The following SLC1A6 variants were observed in gnomAD, a reference collection of about 807,000 sequenced individuals.
SLC1A6 encodes the protein solute carrier family 1 member 6.
In SLC1A6, 15 loss-of-function variants were observed where a neutral mutation model predicts 42.1. The observed-to-expected ratio is 0.36, with a 90% CI of 0.24 to 0.55. The LOEUF (loss-of-function observed/expected upper bound fraction) is 0.55. Ranked by LOEUF, SLC1A6 falls within the 20% of genes least tolerant of loss-of-function variation. SLC1A6 has a pLI of 0.88. For missense variants in SLC1A6, 542 were observed against 772.5 expected, an observed-to-expected ratio of 0.70 and a Z score of 3.54; for synonymous variants, 317 against 319.7, an observed-to-expected ratio of 0.99 and a Z score of 0.09.
chr19:14,972,873 C>G lies in SLC1A6; in HGVS notation c.38G>C (p.Ser13Thr). 1 of 1,602,628 alleles carries G rather than the reference C, an allele frequency of 6.2e-7. No individual in the cohort carries two copies. Among genetic ancestry groups the G allele is most frequent in the Non-Finnish European group, 8.5e-7 (1 of 1,175,284 alleles). ...SHGNSLFLRE[S>T]GQRLGRVGWL... is the part of the protein sequence containing the mutation. ...GCCCACCCGGCCCAGCCGCTGGCCG[C>G]TCTCCCGCAGGAACAGGCTGTTGCC... Residue 13 changes from serine (S) to threonine (T), a missense_variant, in exon 2 of 10, where the codon AGC becomes ACC. Transcript: ENST00000594383.
chr19:14,954,956 C>A (rs1055563059), intron 7 of SLC1A6, among the ~76,000 whole-genome samples: 6 of 152,350 alleles, frequency 3.9e-5, no homozygotes, highest in Middle Eastern at 6.8e-3. Flanking sequence ...CTACTCCAGA[C>A]TCCCCTGTTT....
rs564948858 is a variant in SLC1A6, at chr19:15,001,717, G to A, written c.6+8768C>T. Reference sequence around the variant, plus strand: ...ACTCTGTCACTCAGGCTGGAGTGCAGTGGCACAATCAGGGCTCATTGCAGC... The same window carrying A: ...ACTCTGTCACTCAGGCTGGAGTGCAATGGCACAATCAGGGCTCATTGCAGC... On this transcript the variant is annotated intron_variant, in intron 1 of 8. Coordinates refer to the SLC1A6 transcript ENST00000430939. Among the ~76,000 whole-genome samples, 7 of 152,284 alleles carry A rather than the reference G, an allele frequency of 4.6e-5. No individual in the cohort carries two copies. In the East Asian group the frequency reaches 1.4e-3, roughly 29 times the overall value.
chr19:14,981,472 C>T (rs1270601779), upstream of SLC1A6, among the ~76,000 whole-genome samples: 1 of 152,142 alleles, frequency 6.6e-6, no homozygotes, highest in Non-Finnish European at 1.5e-5. Flanking sequence ...CATTGGCAAC[C>T]CCTCTCTGCA....
intron 1 of SLC1A6, among the ~76,000 whole-genome samples, chr19:14,999,790 A>T (rs1246922420): frequency 6.6e-6 from 1 of 152,232 alleles, no homozygotes; most frequent in Non-Finnish European, 1.5e-5. Flanking sequence ...CACCTTCAAT[A>T]CAATAGTCAA....
chr19:14,982,316 G>A (rs909997229), upstream of SLC1A6, among the ~76,000 whole-genome samples: 1 of 152,064 alleles, frequency 6.6e-6, no homozygotes, highest in African/African-American at 2.4e-5. Context: ...AATCACTAGA[G>A]GTCAGGAGTT....
intron 8 of SLC1A6, among the ~76,000 whole-genome samples, chr19:14,953,351 A>C (rs2045431344): frequency 1.3e-5 from 2 of 150,068 alleles, no homozygotes; most frequent in South Asian, 4.3e-4. Context: ...GCTCACTGCA[A>C]CTCACTACTC....
In SLC1A6 at chr19:14,962,123, C is replaced by T. The variant is rs146916053; in HGVS notation, c.814G>A (p.Val272Met). 4 of 1,614,204 alleles carry T rather than the reference C, an allele frequency of 2.5e-6. No individual in the cohort carries two copies. The highest frequency in any genetic ancestry group is 1.1e-5 in the South Asian group (1 of 91,086). ...SANGINALGL[V>M]VFSVAFGLVI... is the part of the protein sequence containing the mutation. Reference sequence around the variant, plus strand: ...AGCCCAAAGGCCACAGAGAAGACCACGAGGCCCAGGGCGTTGATGCCATTG... The same window carrying T: ...AGCCCAAAGGCCACAGAGAAGACCATGAGGCCCAGGGCGTTGATGCCATTG... Residue 272 changes from valine (V) to methionine (M), a missense_variant, in exon 6 of 10, where the codon GTG (valine) becomes ATG (methionine). Val to Met is a conservative substitution (Grantham distance 21). This residue lies in a region of SLC1A6 where 298 missense variants were observed against 419.4 expected (regional missense o/e 0.71). Coordinates refer to ENST00000594383, the MANE Select transcript of SLC1A6 (RefSeq NM_005071.3).
intron 9 of SLC1A6, among the ~76,000 whole-genome samples, chr19:14,951,097 A>T (rs1335298736): frequency 6.8e-6 from 1 of 147,340 alleles, no homozygotes; most frequent in Non-Finnish European, 1.5e-5. Flanking sequence ...AAAAAAAAAA[A>T]AAATTAGCTG....
chr19:14,958,426 T>A (rs948750564), intron 6 of SLC1A6, among the ~76,000 whole-genome samples: 46 of 151,290 alleles, frequency 3.0e-4, no homozygotes, highest in African/African-American at 9.2e-4. Context: ...AAAAAAAAAA[T>A]TTGAAATCTA....
At chr19:14,993,824 G>C (rs1241742471) in intron 1 of SLC1A6, among the ~76,000 whole-genome samples, 2 of 152,326 alleles carry the variant, frequency 1.3e-5, no homozygotes, top group Admixed American at 1.3e-4. Context: ...GTTGGGTGCA[G>C]GTGGGCAGTG....
intron 1 of SLC1A6, among the ~76,000 whole-genome samples, chr19:14,985,490 T>C (rs1341856188): frequency 6.6e-6 from 1 of 152,226 alleles, no homozygotes; most frequent in Non-Finnish European, 1.5e-5. Flanking sequence ...TCTTTCTTGC[T>C]GTCTCTCACC....
chr19:14,959,845 C>G (rs1260235151), intron 6 of SLC1A6, among the ~76,000 whole-genome samples: 1 of 152,222 alleles, frequency 6.6e-6, no homozygotes, highest in Non-Finnish European at 1.5e-5. Context: ...ACTCCCTCTT[C>G]AGGAAGCATT....
chr19:14,980,317 T>C (rs2045759053), upstream of SLC1A6: 1 of 152,218 alleles, frequency 6.6e-6, no homozygotes, highest in African/African-American at 2.4e-5. Context: ...AAATGGGAGA[T>C]GGATAATGTC....
chr19:14,966,220 A>C (rs2045572109), intron 4 of SLC1A6, among the ~76,000 whole-genome samples: 1 of 152,222 alleles, frequency 6.6e-6, no homozygotes, highest in Non-Finnish European at 1.5e-5. Context: ...GGCCGGGCAC[A>C]GTGGCTCACG....
intron 1 of SLC1A6, among the ~76,000 whole-genome samples, chr19:15,007,677 T>G (rs1330655982): frequency 6.6e-6 from 1 of 152,120 alleles, no homozygotes; most frequent in Admixed American, 6.6e-5. Flanking sequence ...AAGACTAGCA[T>G]GCTTCCTGTT....
intron 3 of SLC1A6, among the ~76,000 whole-genome samples, chr19:14,969,406 T>C (rs763152113): frequency 3.7e-4 from 57 of 152,194 alleles, no homozygotes; most frequent in Middle Eastern, 3.2e-3. Flanking sequence ...AGCCAAAGAA[T>C]GACTGTGCAG....
chr19:14,997,181 C>T (rs893512829), intron 1 of SLC1A6, among the ~76,000 whole-genome samples: 2 of 152,142 alleles, frequency 1.3e-5, no homozygotes, highest in African/African-American at 4.8e-5. Flanking sequence ...TGCTTGCCTC[C>T]TTTGGAAAGG....
intron 3 of SLC1A6, among the ~76,000 whole-genome samples, chr19:14,970,438 G>C (rs1430834664): frequency 6.6e-6 from 1 of 152,118 alleles, no homozygotes; most frequent in Non-Finnish European, 1.5e-5. Flanking sequence ...ATGGCCGGGC[G>C]GGGTGGCTCA....
In SLC1A6 at chr19:14,986,487, C is replaced by T. The variant is rs185190912; in HGVS notation, c.7-13570G>A. Among the ~76,000 whole-genome samples the T allele has an allele frequency of 2.9e-3, 436 of 150,770 alleles. 2 individuals are homozygous for T. The highest frequency in any genetic ancestry group is 0.01 in the African/African-American group (416 of 40,994). ...GCAGTGAGCCGAGATTGCACCATTG[C>T]ACTCCAGCCTGGGCGGCAAGAGTGA... On this transcript the variant is annotated intron_variant, in intron 1 of 8. Coordinates refer to the SLC1A6 transcript ENST00000430939.
Sources: allele counts gnomAD v4.1 joint callset (sites outside exome capture counted in the v4.1 genomes callset), GRCh38; gene constraint gnomAD v4.1.1; regional missense constraint gnomAD v4.1.1; transcripts MANE v1.5; gene names NCBI Gene and HGNC (gene_info 2026-07-23, HGNC 2026-07-21).